The following SRBD1 variants were observed in gnomAD, a reference collection of about 807,000 sequenced individuals.
SRBD1 encodes S1 RNA binding domain 1.
Under a neutral mutation model 115.3 loss-of-function variants are expected in SRBD1, and 88 were observed. The ratio of observed to expected loss-of-function variants is 0.76; its 90% CI spans 0.64 to 0.91. SRBD1 has a LOEUF of 0.91. SRBD1 is among the 40% of genes least tolerant of loss of function. SRBD1 has a pLI of 0.00. For synonymous variants in SRBD1, 509 were observed against 407.7 expected, an observed-to-expected ratio of 1.25 and a Z score of -2.99; for missense variants, 1,385 against 1,177.4, an observed-to-expected ratio of 1.18 and a Z score of -2.58.
chr2:45,413,545 TA>T (rs1667669300), intron 18 of SRBD1, among the ~76,000 whole-genome samples: 1 of 152,190 alleles, frequency 6.6e-6, no homozygotes, highest in Admixed American at 6.5e-5. Context: ...GAGGAAAATG[TA>T]GGGAAACAAA....
intron 14 of SRBD1, among the ~76,000 whole-genome samples, chr2:45,492,683 C>A (rs1670335519): frequency 6.6e-6 from 1 of 152,186 alleles, no homozygotes; most frequent in South Asian, 2.1e-4. Flanking sequence ...TCGTGATCCG[C>A]CTGCCTCGGC....
At chr2:45,601,164 T>C (rs1674080036) in intron 3 of SRBD1, among the ~76,000 whole-genome samples, 1 of 152,226 alleles carries the variant, frequency 6.6e-6, no homozygotes, top group Non-Finnish European at 1.5e-5. Context: ...TCAATTGTGA[T>C]TGTGACAAGC....
intron 18 of SRBD1, among the ~76,000 whole-genome samples, chr2:45,414,495 T>A (rs995501655): frequency 6.6e-6 from 1 of 151,398 alleles, no homozygotes; most frequent in African/African-American, 2.4e-5. Context: ...ACAGTGTGTA[T>A]ATAGTGTGTG....
chr2:45,477,178 C>G, intron 15 of SRBD1, 103 bp from the exon 16 acceptor site: 1 of 868,080 alleles, frequency 1.2e-6, no homozygotes, highest in Non-Finnish European at 1.8e-6. Flanking sequence ...AATCCTGTCC[C>G]TCCTCATCAT....
chr2:45,429,829 T>C (rs958314057), intron 16 of SRBD1, among the ~76,000 whole-genome samples: 3 of 152,134 alleles, frequency 2.0e-5, no homozygotes, highest in Non-Finnish European at 2.9e-5. Flanking sequence ...GGTATTCAAA[T>C]AGGAAGAGAG....
intron 2 of SRBD1, among the ~76,000 whole-genome samples, chr2:45,602,374 T>C (rs1674122718): frequency 6.6e-6 from 1 of 152,238 alleles, no homozygotes; most frequent in African/African-American, 2.4e-5. Context: ...TAGAAAATCA[T>C]TTATTACCTT....
chr2:45,564,889 G>T (rs993257687), intron 9 of SRBD1, among the ~76,000 whole-genome samples: 4 of 151,736 alleles, frequency 2.6e-5, no homozygotes, highest in African/African-American at 9.7e-5. Flanking sequence ...CATAGATTTG[G>T]GTATATGCAG....
chr2:45,590,855 A>G (rs1275933139), intron 4 of SRBD1, among the ~76,000 whole-genome samples: 1 of 152,154 alleles, frequency 6.6e-6, no homozygotes, highest in Non-Finnish European at 1.5e-5. Context: ...CGTCTCTACT[A>G]AAAATACAAA....
At chr2:45,485,952 A>G (rs1670107133) in intron 15 of SRBD1, among the ~76,000 whole-genome samples, 3 of 152,206 alleles carry the variant, frequency 2.0e-5, no homozygotes, top group Admixed American at 2.0e-4. Context: ...GTTTCTAGGT[A>G]TATATTAAAC....
At chr2:45,391,774 C>A (rs2161040) in intron 20 of SRBD1, among the ~76,000 whole-genome samples, 1 of 151,978 alleles carries the variant, frequency 6.6e-6, no homozygotes, top group African/African-American at 2.4e-5. Context: ...TGCTCTGAGT[C>A]TACAATGCAA....
chr2:45,571,686 G>A (rs1012142062), intron 9 of SRBD1, among the ~76,000 whole-genome samples: 2 of 151,948 alleles, frequency 1.3e-5, no homozygotes, highest in African/African-American at 4.8e-5. Context: ...AGAAAAGTAA[G>A]AGTTAGAAAT....
At chr2:45,420,523 A>G (rs554006822) in intron 16 of SRBD1, among the ~76,000 whole-genome samples, 2 of 152,194 alleles carry the variant, frequency 1.3e-5, no homozygotes, top group South Asian at 4.1e-4. Context: ...TACATTTTTT[A>G]TTTATTTGTT....
intron 19 of SRBD1, among the ~76,000 whole-genome samples, chr2:45,393,817 C>G (rs1361836141): frequency 6.6e-6 from 1 of 152,126 alleles, no homozygotes; most frequent in South Asian, 2.1e-4. Flanking sequence ...TGAAATGATA[C>G]CAAACTCTAA....
At chr2:45,442,108 C>G (rs7598548) in intron 16 of SRBD1, among the ~76,000 whole-genome samples, 12,594 of 152,172 alleles carry the variant, frequency 0.083, 732 homozygotes, top group African/African-American at 0.16. Context: ...TAAAAAGATA[C>G]CAAAGAAGCT....
chr2:45,558,204 C>T (rs1476432636), intron 10 of SRBD1, among the ~76,000 whole-genome samples: 1 of 152,154 alleles, frequency 6.6e-6, no homozygotes, highest in East Asian at 1.9e-4. Flanking sequence ...GTGGTGCATG[C>T]CTGCAGTCCC....
At chr2:45,436,948 A>G (rs1668516553) in intron 16 of SRBD1, among the ~76,000 whole-genome samples, 1 of 152,224 alleles carries the variant, frequency 6.6e-6, no homozygotes, top group Non-Finnish European at 1.5e-5. Flanking sequence ...TAATATACAA[A>G]AGTAAACTGT....
chr2:45,420,476 T>C (rs1011077419), intron 16 of SRBD1, among the ~76,000 whole-genome samples: 2 of 152,182 alleles, frequency 1.3e-5, no homozygotes, highest in Non-Finnish European at 2.9e-5. Flanking sequence ...AGGAAGAAAA[T>C]AGTCAATTAA....
At position 45,593,200 on chromosome 2, in the gene SRBD1, C is replaced by G. The variant is rs138693241; in HGVS notation, c.648+6249G>C. 2.6e-5 allele frequency among the ~76,000 whole-genome samples: 4 copies of G among 152,220 alleles called. 1 individual carries two copies. Among genetic ancestry groups the G allele is most frequent in the African/African-American group, 9.6e-5 (4 of 41,518 alleles). On this transcript the variant is annotated intron_variant, in intron 4 of 20. Transcript: ENST00000263736. ...GTCTATTACGTTCCAAACACTCTTA[C>G]ACAGTCAATATAAACTCATTTAAAC... is the stretch of plus-strand genomic sequence containing the variant.
chr2:45,547,679 GT>G, intron 12 of SRBD1, 67 bp from the exon 13 acceptor site: 2 of 1,336,914 alleles, frequency 1.5e-6, no homozygotes, highest in Non-Finnish European at 2.1e-6. Flanking sequence ...GAATGATTTT[GT>G]TAAGCAAGTT....
Sources: gnomAD v4.1 joint callset for allele counts (sites outside exome capture counted in the v4.1 genomes callset) on GRCh38, gnomAD v4.1.1 for gene constraint, MANE v1.5 for transcripts, NCBI Gene and HGNC (gene_info 2026-07-23, HGNC 2026-07-21) for gene names.